Variants in PLAGL1 observed in about 807,000 individuals in gnomAD.
PLAGL1 encodes the protein zinc finger protein PLAGL1.
In PLAGL1, 1 loss-of-function variant was observed where a neutral mutation model predicts 4.6. The observed-to-expected ratio is 0.22, with a 90% CI of 0.08 to 1.03. PLAGL1 has a LOEUF of 1.03. PLAGL1 is among the 50% of genes least tolerant of loss of function. The pLI is 0.58. For synonymous variants in PLAGL1, 240 were observed against 237.8 expected, an observed-to-expected ratio of 1.01 and a Z score of -0.08; for missense variants, 464 against 570.4, an observed-to-expected ratio of 0.81 and a Z score of 1.90.
chr6:144,025,082 CA>C (rs1796238645), intron 1 of PLAGL1, among the ~76,000 whole-genome samples: 1 of 152,152 alleles, frequency 6.6e-6, no homozygotes, highest in East Asian at 1.9e-4. Context: ...AGAAACCAGA[CA>C]AACATCACCT....
chr6:144,035,278 CA>C (rs1236596050), intron 1 of PLAGL1, among the ~76,000 whole-genome samples: 1 of 152,130 alleles, frequency 6.6e-6, no homozygotes, highest in Admixed American at 6.6e-5. Flanking sequence ...ACCAAAAACT[CA>C]AAGATAGGGA....
In PLAGL1 at chr6:144,015,778, A is replaced by G. The variant is rs1467891111; in HGVS notation, c.-150-46800T>C. Among the ~76,000 whole-genome samples, 2 of 152,234 alleles carry G rather than the reference A, an allele frequency of 1.3e-5. No individual in the cohort carries two copies. The highest frequency in any genetic ancestry group is 4.8e-5 in the African/African-American group (2 of 41,460). On this transcript the variant is annotated intron_variant, in intron 1 of 3. Transcript: ENST00000437412. The surrounding 1 kb of genome is among the most constrained non-coding windows in gnomAD (Gnocchi z 4.3). ...AACTGGAACTCTCGCACATTGCTAG[A>G]AGAAATATAAAATGATACAGCCACT...
At position 143,976,730 on chromosome 6, in the gene PLAGL1, G is replaced by T. The variant is rs191529154; in HGVS notation, c.-543-7752C>A. On this transcript the variant is annotated intron_variant, in intron 2 of 7. Coordinates refer to ENST00000674357, the MANE Select transcript of PLAGL1 (RefSeq NM_001317162.2). ...GACAATTGTTTCTATCCTAAGAGCC[G>T]GGTTCCTTTTTGTAAGTAACCACCC... Among the ~76,000 whole-genome samples, 653 of 152,174 alleles carry T rather than the reference G, an allele frequency of 4.3e-3. 9 individuals carry two copies. The highest frequency in any genetic ancestry group is 0.015 in the African/African-American group (636 of 41,490).
rs1459243195 is a variant in PLAGL1 at position 144,022,595 on chromosome 6, A to C, written c.-151+41873T>G. On this transcript the variant is annotated intron_variant, in intron 1 of 3. Coordinates refer to the PLAGL1 transcript ENST00000437412. The surrounding 1 kb of genome is among the most constrained non-coding windows in gnomAD (Gnocchi z 4.2). ...GGGAGGGATCTGGTGCTGGTAATTG[A>C]ATCATGGGGACAGGTCTTTCCCATG... Among the ~76,000 whole-genome samples, 1 of 152,174 alleles carries C rather than the reference A, an allele frequency of 6.6e-6. No homozygotes were observed. Among genetic ancestry groups the C allele is most frequent in the African/African-American group, 2.4e-5 (1 of 41,436 alleles).
rs1795366518 is a variant in PLAGL1 at position 144,013,711 on chromosome 6, C to T, written c.-150-44733G>A. On this transcript the variant is annotated intron_variant, in intron 1 of 3. Coordinates refer to the PLAGL1 transcript ENST00000437412. This position sits in a 1 kb window ranked among gnomAD's most constrained non-coding sequence, Gnocchi z 4.4. Reference sequence around the variant, plus strand: ...GCTTGCGGCCACAGCATGCCAATCTCTGCCTCCATCTTCACAACGCCTTCT... The same window carrying T: ...GCTTGCGGCCACAGCATGCCAATCTTTGCCTCCATCTTCACAACGCCTTCT... Among the ~76,000 whole-genome samples, 1 of 152,238 alleles carries T rather than the reference C, an allele frequency of 6.6e-6. No individual in the cohort carries two copies.
intron 1 of PLAGL1, among the ~76,000 whole-genome samples, chr6:144,038,108 A>G (rs1449411150): frequency 1.3e-5 from 2 of 152,234 alleles, no homozygotes; most frequent in Non-Finnish European, 2.9e-5. Context: ...TGACAAAATA[A>G]TGGCTGAAAA....
rs1176975588 is a variant in PLAGL1, at chr6:143,963,442, G to A, written c.-399+1345C>T. Among the ~76,000 whole-genome samples the A allele has an allele frequency of 1.3e-5, 2 of 152,196 alleles. No individual in the cohort carries two copies. Among genetic ancestry groups the A allele is most frequent in the African/African-American group, 2.4e-5 (1 of 41,436 alleles). On this transcript the variant is annotated intron_variant, in intron 5 of 7. Coordinates refer to ENST00000674357, the MANE Select transcript of PLAGL1 (RefSeq NM_001317162.2). The surrounding 1 kb of genome is among the most constrained non-coding windows in gnomAD (Gnocchi z 6.1). ...TAGCTAATGGCACCGCTATGCAATA[G>A]CCATCAGAGCTCCCGGATCCTCACC...
At position 144,056,413 on chromosome 6, in the gene PLAGL1, A is replaced by C. The variant is rs76363224; in HGVS notation, c.-151+8055T>G. On this transcript the variant is annotated intron_variant, in intron 1 of 3. Coordinates refer to the PLAGL1 transcript ENST00000437412. This position sits in a 1 kb window ranked among gnomAD's most constrained non-coding sequence, Gnocchi z 4.7. ...CTATGTGTTTGGACAAATTTATAAC[A>C]GCATATATCTACTAATATAGTGCCA... is the stretch of plus-strand genomic sequence containing the variant. Among the ~76,000 whole-genome samples the C allele has an allele frequency of 1.3e-5, 2 of 152,188 alleles. No homozygotes were observed. Among genetic ancestry groups the C allele is most frequent in the Non-Finnish European group, 2.9e-5 (2 of 68,038 alleles).
At position 143,957,838 on chromosome 6, in the gene PLAGL1, G is replaced by A. The variant is rs1017305483; in HGVS notation, c.-325+2631C>T. On this transcript the variant is annotated intron_variant, in intron 6 of 7. Coordinates refer to ENST00000674357, the MANE Select transcript of PLAGL1 (RefSeq NM_001317162.2). This position sits in a 1 kb window ranked among gnomAD's most constrained non-coding sequence, Gnocchi z 4.2. ...AAACAGAAAAAGGCCTTGAAGTACAGATAACTACATGGGAGCAGGGTATCT... is the reference window on the plus strand; with the variant it reads ...AAACAGAAAAAGGCCTTGAAGTACAAATAACTACATGGGAGCAGGGTATCT... Among the ~76,000 whole-genome samples, 1 of 152,222 alleles carries A rather than the reference G, an allele frequency of 6.6e-6. No individual in the cohort carries two copies. The highest frequency in any genetic ancestry group is 2.4e-5 in the African/African-American group (1 of 41,454).
At chr6:144,010,631 G>C (rs1332028100), upstream of PLAGL1, among the ~76,000 whole-genome samples, 2 of 152,152 alleles carry the variant, frequency 1.3e-5, no homozygotes, top group Non-Finnish European at 2.9e-5. The surrounding 1 kb of genome is among the most constrained non-coding windows in gnomAD (Gnocchi z 4.1). Context: ...AACCAAAAAA[G>C]AGCCCGTATA....
chr6:143,977,093 C>CA (rs397771557), intron 2 of PLAGL1, among the ~76,000 whole-genome samples: 1 of 148,436 alleles, frequency 6.7e-6, no homozygotes, highest in Non-Finnish European at 1.5e-5. Flanking sequence ...TCCCCCCCCC[C>CA]AACACACTTA....
chr6:143,946,126 T>G (rs1195429994), intron 7 of PLAGL1, among the ~76,000 whole-genome samples: 1 of 152,230 alleles, frequency 6.6e-6, no homozygotes, highest in Non-Finnish European at 1.5e-5. Flanking sequence ...CACATGTGTA[T>G]GAAAAGTCAG....
At position 143,964,232 on chromosome 6, in the gene PLAGL1, G is replaced by A. The variant is rs578168523; in HGVS notation, c.-399+555C>T. On this transcript the variant is annotated intron_variant, in intron 5 of 7. Transcript: ENST00000674357. The surrounding 1 kb of genome is among the most constrained non-coding windows in gnomAD (Gnocchi z 4.3). The stretch of plus-strand genomic sequence containing the variant: ...GCCTCGGGAGGCCAGACCTGAGGCA[G>A]GAGGTTTCCAGCCCTCACTGGCGGC... Among the ~76,000 whole-genome samples the A allele has an allele frequency of 3.9e-4, 59 of 152,214 alleles. No homozygotes were observed. Among genetic ancestry groups the A allele is most frequent in the African/African-American group, 1.3e-3 (54 of 41,524 alleles).
At chr6:144,051,926 T>C (rs1019559156) in intron 1 of PLAGL1, among the ~76,000 whole-genome samples, 1 of 152,188 alleles carries the variant, frequency 6.6e-6, no homozygotes, top group Non-Finnish European at 1.5e-5. Context: ...AAGATGAAAT[T>C]TGGGTGGGGA....
rs976687632 is a variant in PLAGL1, at chr6:144,023,000, T to C, written c.-151+41468A>G. 6.6e-6 allele frequency among the ~76,000 whole-genome samples: 1 copy of C among 152,200 alleles called. No individual in the cohort carries two copies. Among genetic ancestry groups the C allele is most frequent in the African/African-American group, 2.4e-5 (1 of 41,454 alleles). On this transcript the variant is annotated intron_variant, in intron 1 of 3. Coordinates refer to the PLAGL1 transcript ENST00000437412. This position sits in a 1 kb window ranked among gnomAD's most constrained non-coding sequence, Gnocchi z 4.2. The stretch of plus-strand genomic sequence containing the variant: ...TGGGAGCAACCACAATGTCCCTCAA[T>C]AGATGAATGGACAAACTATGATATA...
intron 1 of PLAGL1, among the ~76,000 whole-genome samples, chr6:144,026,437 A>T (rs908729193): frequency 6.6e-6 from 1 of 152,210 alleles, no homozygotes; most frequent in Non-Finnish European, 1.5e-5. Context: ...GTATCATGGC[A>T]TATTTACACT....
chr6:143,946,630 T>C (rs1461064348), intron 7 of PLAGL1, among the ~76,000 whole-genome samples: 1 of 152,248 alleles, frequency 6.6e-6, no homozygotes, highest in Non-Finnish European at 1.5e-5. Flanking sequence ...AGGAGCATAA[T>C]TTCCATCTTT....
intron 1 of PLAGL1, among the ~76,000 whole-genome samples, chr6:143,991,849 G>A (rs1255371322): frequency 4.6e-5 from 7 of 152,198 alleles, no homozygotes; most frequent in African/African-American, 7.2e-5. Context: ...TAGACCCAAG[G>A]GGTGGCCAAG....
chr6:143,955,781 G>T lies in PLAGL1; in HGVS notation c.-325+4688C>A, dbSNP rs1781996725. Among the ~76,000 whole-genome samples, 1 of 152,100 alleles carries T rather than the reference G, an allele frequency of 6.6e-6. No individual in the cohort carries two copies. Among genetic ancestry groups the T allele is most frequent in the Non-Finnish European group, 1.5e-5 (1 of 68,020 alleles). ...GCTGGAGGGTGGTGGGCTGGATAAT[G>T]AGATCATTTAGGCTTCTGCCAGATC... On this transcript the variant is annotated intron_variant, in intron 6 of 7. Transcript: ENST00000674357. The surrounding 1 kb of genome is among the most constrained non-coding windows in gnomAD (Gnocchi z 4.9).
Sources: gnomAD v4.1 joint callset for allele counts (sites outside exome capture counted in the v4.1 genomes callset) on GRCh38, gnomAD v4.1.1 for gene constraint, Gnocchi (gnomAD v3.1) non-coding constraint, MANE v1.5 for transcripts, NCBI Gene and HGNC (gene_info 2026-07-23, HGNC 2026-07-21) for gene names.